SRGAP3: variants seen among roughly 807,000 people sequenced by gnomAD.
SRGAP3 encodes the protein SLIT-ROBO Rho GTPase activating protein 3.
SRGAP3 carries 39 observed loss-of-function variants against 121.1 expected under a neutral mutation model. That is an observed-to-expected ratio of 0.32 (90% CI 0.25 to 0.42). SRGAP3 has a LOEUF of 0.42. SRGAP3 is among the 10% of genes least tolerant of loss of function. SRGAP3 has a pLI of 1.00. For synonymous variants in SRGAP3, 601 were observed against 570.0 expected (o/e 1.05, Z -0.77); for missense variants, 1,213 against 1,470.6 (o/e 0.82, Z 2.86).
At chr3:8,994,821 T>C (rs886547383) in intron 18 of SRGAP3, among the ~76,000 whole-genome samples, 1 of 152,226 alleles carries the variant, frequency 6.6e-6, no homozygotes, top group African/African-American at 2.4e-5. Flanking sequence ...TAAGACAATA[T>C]TGTAGAATTT....
At chr3:9,117,847 C>T (rs909611859) in intron 2 of SRGAP3, among the ~76,000 whole-genome samples, 8 of 152,120 alleles carry the variant, frequency 5.3e-5, no homozygotes, top group East Asian at 1.9e-4. Flanking sequence ...GAGCCAGGTG[C>T]GGTGGTTCTG....
chr3:9,082,818 G>C (rs186504241), intron 3 of SRGAP3, among the ~76,000 whole-genome samples: 1 of 152,090 alleles, frequency 6.6e-6, no homozygotes, highest in Non-Finnish European at 1.5e-5. Flanking sequence ...GCCTTCTCAG[G>C]CTCCTTCTCC....
chr3:9,086,493 C>A (rs1947475929), intron 3 of SRGAP3, among the ~76,000 whole-genome samples: 1 of 139,590 alleles, frequency 7.2e-6, no homozygotes, highest in African/African-American at 2.7e-5. Context: ...GCATTCCAGC[C>A]TGGGTGACAG....
intron 3 of SRGAP3, among the ~76,000 whole-genome samples, chr3:9,274,522 A>T (rs1481260863): frequency 6.6e-6 from 1 of 152,200 alleles, no homozygotes; most frequent in East Asian, 1.9e-4. Context: ...GTGACCCCTG[A>T]AGCCCCAGAA....
Position 9,218,766 on chromosome 3 carries a change from G to A in SRGAP3, c.67+30119C>T, listed in dbSNP as rs1479098410. Among the ~76,000 whole-genome samples, 1 of 151,920 alleles carries A rather than the reference G, an allele frequency of 6.6e-6. No homozygotes were observed. Among genetic ancestry groups the A allele is most frequent in the Middle Eastern group, 3.4e-3 (1 of 294 alleles). On this transcript the variant is annotated intron_variant, in intron 1 of 21. Transcript: ENST00000383836. The surrounding 1 kb of genome is among the most constrained non-coding windows in gnomAD (Gnocchi z 5.3). ...TGGCTCACTGCAACCTCAACCTCCC[G>A]GATTCAAGTGATCCTCCCACCTCAG...
chr3:9,204,021 G>A (rs551425716), intron 1 of SRGAP3, among the ~76,000 whole-genome samples: 36 of 152,206 alleles, frequency 2.4e-4, no homozygotes, highest in African/African-American at 6.0e-4. Flanking sequence ...AGATATTACC[G>A]CTACAGTTTG....
intron 2 of SRGAP3, among the ~76,000 whole-genome samples, chr3:9,110,624 A>G (rs923636423): frequency 6.6e-6 from 1 of 152,260 alleles, no homozygotes; most frequent in Non-Finnish European, 1.5e-5. Context: ...ATGCTGTCCC[A>G]GGCCTGCCGT....
chr3:9,345,233 G>C (rs79352301), intron 1 of SRGAP3, among the ~76,000 whole-genome samples: 9,703 of 152,274 alleles, frequency 0.064, 1,094 homozygotes, highest in African/African-American at 0.22. Context: ...GCTCACACAT[G>C]TAATCTCAGC....
chr3:9,072,339 A>C (rs1946761813), intron 4 of SRGAP3, among the ~76,000 whole-genome samples: 1 of 152,178 alleles, frequency 6.6e-6, no homozygotes, highest in Non-Finnish European at 1.5e-5. Context: ...GTTCCCACAC[A>C]CTGTCATATC....
At chr3:9,257,724 T>G (rs1361933175) in intron 3 of SRGAP3, among the ~76,000 whole-genome samples, 1 of 134,544 alleles carries the variant, frequency 7.4e-6, no homozygotes, top group African/African-American at 2.9e-5. Context: ...TTTTTTTTTT[T>G]GAGACAGTCT....
At chr3:9,358,818 C>G (rs1466293181) in intron 1 of SRGAP3, among the ~76,000 whole-genome samples, 2 of 152,162 alleles carry the variant, frequency 1.3e-5, no homozygotes, top group Non-Finnish European at 2.9e-5. Context: ...ACAAAGGATA[C>G]AGATGAAGAG....
chr3:9,051,912 C>T (rs1252649172), intron 9 of SRGAP3, among the ~76,000 whole-genome samples: 2 of 152,028 alleles, frequency 1.3e-5, no homozygotes, highest in Non-Finnish European at 1.5e-5. Flanking sequence ...GGGTTTTCAC[C>T]GTGTTGCCCA....
chr3:9,316,956 A>C (rs1404837095), intron 3 of SRGAP3, among the ~76,000 whole-genome samples: 2 of 152,132 alleles, frequency 1.3e-5, no homozygotes, highest in Non-Finnish European at 2.9e-5. Context: ...TATTCAAGGA[A>C]AGGGGCCAGA....
intron 1 of SRGAP3, among the ~76,000 whole-genome samples, chr3:9,215,629 C>A (rs1162435): frequency 0.18 from 27,976 of 152,096 alleles, 2,680 homozygotes; most frequent in East Asian, 0.35. Flanking sequence ...GAAGATCACT[C>A]ATGTGGGTTG....
At position 9,088,028 on chromosome 3, in the gene SRGAP3, G is replaced by T. The variant is rs190843700; in HGVS notation, c.424-7941C>A. Among the ~76,000 whole-genome samples, 141 of 152,286 alleles carry T rather than the reference G, an allele frequency of 9.3e-4. 1 individual carries two copies. The highest frequency in any genetic ancestry group is 7.3e-3 in the Admixed American group (111 of 15,294). On this transcript the variant is annotated intron_variant, in intron 3 of 21. Coordinates refer to ENST00000383836, the MANE Select transcript of SRGAP3 (RefSeq NM_014850.4). ...ATTTTTGGCTGGGGTTGATTGGGAA[G>T]GGAAATATTCTCAACTATGGTTCCA...
intron 9 of SRGAP3, among the ~76,000 whole-genome samples, chr3:9,048,485 A>C (rs968631169): frequency 1.3e-5 from 2 of 152,204 alleles, no homozygotes; most frequent in Admixed American, 6.5e-5. Context: ...AAAAAGGTAA[A>C]TAAAATACCA....
intron 1 of SRGAP3, among the ~76,000 whole-genome samples, chr3:9,338,673 G>C (rs1291620895): frequency 6.6e-6 from 1 of 152,180 alleles, no homozygotes; most frequent in Non-Finnish European, 1.5e-5. Flanking sequence ...AGTCATTCCT[G>C]AATGCAGCTC....
intron 13 of SRGAP3, among the ~76,000 whole-genome samples, chr3:9,026,275 G>A (rs1944195067): frequency 1.3e-5 from 2 of 152,160 alleles, no homozygotes; most frequent in Admixed American, 1.3e-4. Flanking sequence ...CATGGCATTT[G>A]CACTATCTCA....
intron 14 of SRGAP3, among the ~76,000 whole-genome samples, chr3:9,020,682 C>T (rs2125054477): frequency 6.6e-6 from 1 of 152,330 alleles, no homozygotes; most frequent in South Asian, 2.1e-4. Flanking sequence ...ACTGCCCAAA[C>T]ATTCTTTTCA....
Sources: gnomAD v4.1 joint callset for allele counts (sites outside exome capture counted in the v4.1 genomes callset) on GRCh38, gnomAD v4.1.1 for gene constraint, Gnocchi (gnomAD v3.1) non-coding constraint, MANE v1.5 for transcripts, NCBI Gene and HGNC (gene_info 2026-07-23, HGNC 2026-07-21) for gene names.